LINGO2: variants seen among roughly 807,000 people sequenced by gnomAD.
The protein encoded by LINGO2 is leucine-rich repeat and immunoglobulin-like domain-containing nogo receptor-interacting protein 2.
Under a neutral mutation model 30.6 loss-of-function variants are expected in LINGO2, and 14 were observed. The ratio of observed to expected loss-of-function variants is 0.46; its 90% CI spans 0.30 to 0.72. The LOEUF (loss-of-function observed/expected upper bound fraction) is 0.72. Ranked by LOEUF, LINGO2 falls within the 30% of genes least tolerant of loss-of-function variation. LINGO2 has a pLI of 0.07. For missense variants in LINGO2, 729 were observed against 751.7 expected (o/e 0.97, Z 0.35); for synonymous variants, 317 against 288.5 (o/e 1.10, Z -1.00).
chr9:28,072,708 T>C (rs1205993821), intron 4 of LINGO2, among the ~76,000 whole-genome samples: 1 of 152,168 alleles, frequency 6.6e-6, no homozygotes, highest in African/African-American at 2.4e-5. Context: ...AAATATCTGT[T>C]ATTTCATCTG....
rs1158855658 is a variant in LINGO2, at chr9:28,288,833, A to T, written c.-87+6375T>A. Among the ~76,000 whole-genome samples the T allele has an allele frequency of 1.9e-4, 29 of 152,186 alleles. 1 individual carries two copies. Among genetic ancestry groups the T allele is most frequent in the Admixed American group, 1.9e-3 (29 of 15,284 alleles). ...CACTGCTCTCTGCAGAGAGCAAGGG[A>T]TGTATTGCATACACAGGTGCTATTT... On this transcript the variant is annotated intron_variant, in intron 4 of 5. Coordinates refer to ENST00000379992, the Ensembl canonical transcript of LINGO2.
chr9:28,641,574 C>A (rs1402326714), intron 1 of LINGO2, among the ~76,000 whole-genome samples: 1 of 152,164 alleles, frequency 6.6e-6, no homozygotes, highest in Non-Finnish European at 1.5e-5. Context: ...ACTTTTGATT[C>A]TTGCCTAAGG....
At chr9:29,163,305 T>C in the LINGO2 span, among the ~76,000 whole-genome samples, 7 of 152,312 alleles carry the variant, frequency 4.6e-5, no homozygotes, top group South Asian at 1.4e-3. Context: ...AGAAAAGTTC[T>C]AATTCTCCCG....
intron 1 of LINGO2, among the ~76,000 whole-genome samples, chr9:28,626,996 A>T (rs1826711643): frequency 1.3e-5 from 2 of 151,810 alleles, no homozygotes; most frequent in South Asian, 4.1e-4. Flanking sequence ...GGGCTACATC[A>T]CATTTTCCTG....
At chr9:28,659,463 T>G (rs1563898764) in intron 1 of LINGO2, among the ~76,000 whole-genome samples, 1 of 151,908 alleles carries the variant, frequency 6.6e-6, no homozygotes, top group Non-Finnish European at 1.5e-5. Context: ...TTTATCTTTT[T>G]TTTTTTCTTT....
the LINGO2 span, among the ~76,000 whole-genome samples, chr9:29,020,848 G>A: frequency 1.3e-5 from 2 of 151,986 alleles, no homozygotes; most frequent in South Asian, 4.2e-4. Context: ...AAAGGGTGGG[G>A]GGAAAAGGAA....
the LINGO2 span, among the ~76,000 whole-genome samples, chr9:28,988,919 T>C: frequency 1.3e-5 from 2 of 152,210 alleles, no homozygotes; most frequent in African/African-American, 4.8e-5. Flanking sequence ...CAAAACTATG[T>C]TCTGGTCTAT....
intron 2 of LINGO2, among the ~76,000 whole-genome samples, chr9:28,471,983 A>G (rs1825538336): frequency 6.6e-6 from 1 of 152,160 alleles, no homozygotes; most frequent in Non-Finnish European, 1.5e-5. Context: ...CATTTATAAA[A>G]CTCAAAAGCA....
intron 1 of LINGO2, among the ~76,000 whole-genome samples, chr9:28,556,228 A>G (rs1343840995): frequency 6.6e-6 from 1 of 152,088 alleles, no homozygotes; most frequent in East Asian, 1.9e-4. Context: ...AGACGACATG[A>G]TTGTATATCT....
chr9:28,505,336 G>A (rs1820065452), intron 1 of LINGO2, among the ~76,000 whole-genome samples: 1 of 151,816 alleles, frequency 6.6e-6, no homozygotes, highest in African/African-American at 2.4e-5. Flanking sequence ...CAGCAGCTGT[G>A]GTTTCATCTC....
chr9:28,035,814 C>CT, intron 4 of LINGO2, among the ~76,000 whole-genome samples: 1 of 152,056 alleles, frequency 6.6e-6, no homozygotes, highest in East Asian at 1.9e-4. Flanking sequence ...GTGAAAGCTC[C>CT]TAATTAGCTT....
chr9:28,342,414 A>G (rs541138500), intron 3 of LINGO2, among the ~76,000 whole-genome samples: 153 of 152,216 alleles, frequency 1.0e-3, no homozygotes, highest in Non-Finnish European at 2.2e-4. Context: ...TCCACCCGCA[A>G]TTATGGAGAT....
the LINGO2 span, among the ~76,000 whole-genome samples, chr9:29,188,863 C>CGGCT: frequency 1.5e-5 from 2 of 135,314 alleles, no homozygotes; most frequent in African/African-American, 2.8e-5. Flanking sequence ...CCAGACAGGG[C>CGGCT]GGCTGGCCGG....
intron 3 of LINGO2, among the ~76,000 whole-genome samples, chr9:28,360,965 T>C (rs1820415799): frequency 6.6e-6 from 1 of 152,232 alleles, no homozygotes; most frequent in Non-Finnish European, 1.5e-5. Flanking sequence ...CTTTCCATTG[T>C]TTCAGTTACC....
the LINGO2 span, among the ~76,000 whole-genome samples, chr9:28,853,354 A>G: frequency 2.6e-5 from 4 of 152,044 alleles, no homozygotes; most frequent in Non-Finnish European, 4.4e-5. Context: ...ACTGAATCTT[A>G]AAGTGAATTA....
chr9:28,560,488 A>T (rs1822988161), intron 1 of LINGO2, among the ~76,000 whole-genome samples: 1 of 152,028 alleles, frequency 6.6e-6, no homozygotes, highest in Non-Finnish European at 1.5e-5. Flanking sequence ...CAGCCTCTAT[A>T]ACTGAATAAG....
At chr9:29,115,690 A>G in the LINGO2 span, among the ~76,000 whole-genome samples, 2 of 152,054 alleles carry the variant, frequency 1.3e-5, no homozygotes, top group Admixed American at 6.6e-5. Flanking sequence ...TAAAACTATC[A>G]TTACATTTAA....
At chr9:28,375,648 T>C (rs1057158774) in intron 2 of LINGO2, among the ~76,000 whole-genome samples, 3 of 152,196 alleles carry the variant, frequency 2.0e-5, no homozygotes, top group African/African-American at 4.8e-5. Context: ...GTAAATTCTC[T>C]AAATCAATGA....
At chr9:28,122,260 C>T (rs572847166) in intron 4 of LINGO2, among the ~76,000 whole-genome samples, 1 of 152,064 alleles carries the variant, frequency 6.6e-6, no homozygotes, top group Non-Finnish European at 1.5e-5. Flanking sequence ...AAGATAGACT[C>T]AAGCTATATG....
Sources: allele counts gnomAD v4.1 joint callset (sites outside exome capture counted in the v4.1 genomes callset), GRCh38; gene constraint gnomAD v4.1.1; transcripts MANE v1.5; gene names NCBI Gene and HGNC (gene_info 2026-07-23, HGNC 2026-07-21).